Variants in BOD1L1 observed in about 807,000 individuals in gnomAD.
BOD1L1 encodes biorientation of chromosomes in cell division 1 like 1, also known as biorientation of chromosomes in cell division protein 1-like 1.
Under a neutral mutation model 240.7 loss-of-function variants are expected in BOD1L1, and 86 were observed. The observed-to-expected ratio is 0.36, with a 90% CI of 0.30 to 0.43. BOD1L1 has a LOEUF of 0.43. Ranked by LOEUF, BOD1L1 falls within the 20% of genes least tolerant of loss-of-function variation. The pLI, the probability that BOD1L1 is intolerant of heterozygous loss-of-function variation, is 1.00. For missense variants in BOD1L1, 3,554 were observed against 3,643.5 expected, an observed-to-expected ratio of 0.98 and a Z score of 0.63; for synonymous variants, 1,268 against 1,272.3, an observed-to-expected ratio of 1.00 and a Z score of 0.07.
intron 1 of BOD1L1, among the ~76,000 whole-genome samples, chr4:13,623,150 C>T (rs2109001521): frequency 6.6e-6 from 1 of 152,262 alleles, no homozygotes; most frequent in East Asian, 1.9e-4. Flanking sequence ...TTGCTTTTTT[C>T]CATAGGACCT....
At chr4:13,616,425 A>C (rs1282117322) in intron 2 of BOD1L1, among the ~76,000 whole-genome samples, 1 of 152,240 alleles carries the variant, frequency 6.6e-6, no homozygotes, top group East Asian at 1.9e-4. Flanking sequence ...CATATACAAG[A>C]GACAAAAGAG....
In BOD1L1 at chr4:13,600,809, C is replaced by T; in HGVS notation, c.6091G>A (p.Asp2031Asn). 1 of 1,613,894 alleles carries T rather than the reference C, an allele frequency of 6.2e-7. No individual in the cohort carries two copies. Among genetic ancestry groups the T allele is most frequent in the South Asian group, 1.1e-5 (1 of 91,044 alleles). ...VAHTSPSEKE[D>N]EDIITSVENE... ...TCTACAGAGGTGATGATGTCCTCAT[C>T]TTCTTTTTCACTTGGTGATGTGTGA... Residue 2031 changes from aspartate to asparagine, a missense_variant, in exon 10 of 26, where the codon GAT becomes AAT. Asp to Asn is a conservative substitution (Grantham distance 23). Coordinates refer to ENST00000040738, the MANE Select transcript of BOD1L1 (RefSeq NM_148894.3).
At chr4:13,583,997 C>T (rs1306640886) in intron 17 of BOD1L1, among the ~76,000 whole-genome samples, 1 of 152,128 alleles carries the variant, frequency 6.6e-6, no homozygotes, top group Admixed American at 6.5e-5. Flanking sequence ...TAACTAGGTC[C>T]AAGACATGCA....
At position 13,591,930 on chromosome 4, in the gene BOD1L1, G is replaced by T; in HGVS notation, c.8141C>A (p.Ser2714Ter). 6.4e-7 allele frequency: 1 copy of T among 1,562,596 alleles called. No homozygotes were observed. Among genetic ancestry groups the T allele is most frequent in the Non-Finnish European group, 8.7e-7 (1 of 1,153,502 alleles). The change falls in exon 13 of 26, where the codon TCA becomes TAA. Residue 2714 changes from serine to a stop codon, truncating the protein, a stop_gained. Transcript: ENST00000040738. LOFTEE classifies it high-confidence loss of function. Reference sequence around the variant, plus strand: ...ACCATTACAGTGACTTACATTTAGTGATTCATTCACCAACAAAGGCTCCCT... The same window carrying T: ...ACCATTACAGTGACTTACATTTAGTTATTCATTCACCAACAAAGGCTCCCT... ...LQREPLLVNE[S>*]LNVENSGFRT...
intron 20 of BOD1L1, 30 bp downstream of exon 20, chr4:13,581,102 G>A: frequency 6.4e-7 from 1 of 1,564,022 alleles, no homozygotes; most frequent in South Asian, 1.2e-5. Flanking sequence ...AATTTCTTGT[G>A]TGTGAACTGA....
In BOD1L1 at chr4:13,600,000, C is replaced by T. The variant is rs775970021; in HGVS notation, c.6900G>A (p.Gly2300=). The part of the protein sequence containing the change: ...TAMISTSTSE[G]CEAVMIGAVL... ...CAGCACCAATCATGACTGCTTCACA[C>T]CCTTCAGAGGTGCTTGTGGAAATCA... is the stretch of plus-strand genomic sequence containing the variant. Residue 2300 remains glycine, a synonymous_variant, in exon 10 of 26, where the codon GGG becomes GGA. Coordinates refer to ENST00000040738, the MANE Select transcript of BOD1L1 (RefSeq NM_148894.3). The T allele has an allele frequency of 1.9e-6, 3 of 1,610,398 alleles. No individual in the cohort carries two copies. The highest frequency in any genetic ancestry group is 1.7e-5 in the Admixed American group (1 of 59,396).
At chr4:13,570,442 A>G (rs932288936) in intron 25 of BOD1L1, among the ~76,000 whole-genome samples, 13 of 152,206 alleles carry the variant, frequency 8.5e-5, no homozygotes, top group Admixed American at 8.5e-4. Flanking sequence ...TCTTTCATCT[A>G]GAAAACAAAG....
intron 1 of BOD1L1, 25 bp from the exon 2 acceptor site, chr4:13,620,092 G>C: frequency 6.3e-7 from 1 of 1,579,276 alleles, no homozygotes; most frequent in Non-Finnish European, 8.6e-7. Flanking sequence ...ACGAAGGTAA[G>C]TCTTCAAGGT....
intron 24 of BOD1L1, 136 bp from the exon 25 acceptor site, chr4:13,577,127 C>T: frequency 9.2e-7 from 1 of 1,090,632 alleles, no homozygotes; most frequent in Non-Finnish European, 1.3e-6. Flanking sequence ...CTTTTTGTTT[C>T]AGCACTTGCA....
intron 1 of BOD1L1, among the ~76,000 whole-genome samples, chr4:13,626,920 C>T (rs1192717475): frequency 6.6e-6 from 1 of 152,222 alleles, no homozygotes; most frequent in South Asian, 2.1e-4. Flanking sequence ...GCATATTACA[C>T]ATAACTTGAT....
chr4:13,627,142 G>A (rs1030476146), intron 1 of BOD1L1, among the ~76,000 whole-genome samples: 1 of 152,198 alleles, frequency 6.6e-6, no homozygotes, highest in African/African-American at 2.4e-5. Flanking sequence ...TAATCACTGT[G>A]CCGAAACCAT....
At position 13,602,984 on chromosome 4, in the gene BOD1L1, T is replaced by G. The variant is rs796422949; in HGVS notation, c.3916A>C (p.Lys1306Gln). 6.2e-7 allele frequency: 1 copy of G among 1,614,038 alleles called. No individual in the cohort carries two copies. The highest frequency in any genetic ancestry group is 1.1e-5 in the South Asian group (1 of 91,084). The part of the protein sequence containing the change: ...YDPDVIPLFD[K>Q]RTVLEGSTAS... ...GTGCTACCTTCCAAAACAGTTCTTT[T>G]GTCAAACAGAGGAATTACATCTGGA... The change falls in exon 10 of 26, where the codon AAA becomes CAA. Residue 1306 changes from lysine to glutamine, a missense_variant. This residue lies in a region of BOD1L1 where 3,393 missense variants were observed against 3,427.1 expected (regional missense o/e 0.99). Transcript: ENST00000040738.
At chr4:13,611,699 C>A (rs1716183080) in intron 5 of BOD1L1, among the ~76,000 whole-genome samples, 1 of 152,188 alleles carries the variant, frequency 6.6e-6, no homozygotes, top group African/African-American at 2.4e-5. Context: ...CCTCAGAGTT[C>A]TCTTGACAAA....
rs190228671 is a variant in BOD1L1, at chr4:13,627,724, G to A, written c.-137C>T. On this transcript the variant is annotated 5_prime_UTR_variant, in exon 1 of 26. Coordinates refer to ENST00000040738, the MANE Select transcript of BOD1L1 (RefSeq NM_148894.3). ...CAGCGGATCCAGAGCAACCCCGGAAGTGAAAGGGAACTGGGGGAAAGGAGG... is the reference window on the plus strand; with the variant it reads ...CAGCGGATCCAGAGCAACCCCGGAAATGAAAGGGAACTGGGGGAAAGGAGG... 6.2e-4 allele frequency: 475 copies of A among 772,172 alleles called. No individual in the cohort carries two copies. The African/African-American group carries it at 8.3e-3, about 13-fold the overall frequency. 47.8% of individuals were successfully genotyped at this position (772,172 alleles called of 1,614,324 possible). A position where few individuals can be genotyped will look rare whatever the true frequency, so the allele number is the denominator to read the frequency against.
chr4:13,598,788 TG>T (rs1374226539), intron 10 of BOD1L1, among the ~76,000 whole-genome samples, 157 bp downstream of exon 10: 1 of 152,216 alleles, frequency 6.6e-6, no homozygotes, highest in African/African-American at 2.4e-5. Flanking sequence ...TCAAGTTTGA[TG>T]AGAGTTATTT....
At chr4:13,593,238 C>T (rs1436174003) in intron 12 of BOD1L1, 1 of 152,124 alleles carries the variant, frequency 6.6e-6, no homozygotes, top group Non-Finnish European at 1.5e-5. Flanking sequence ...CTCCCTCCCC[C>T]AATCCAATTT....
intron 2 of BOD1L1, among the ~76,000 whole-genome samples, chr4:13,619,071 C>T (rs1157145780): frequency 6.6e-6 from 1 of 151,818 alleles, no homozygotes; most frequent in East Asian, 1.9e-4. Flanking sequence ...GCCTATAATC[C>T]CAGCACTTTC....
At chr4:13,576,282 C>T (rs1363958279) in intron 25 of BOD1L1, among the ~76,000 whole-genome samples, 1 of 152,154 alleles carries the variant, frequency 6.6e-6, no homozygotes, top group Admixed American at 6.5e-5. Context: ...CCAAACTCAT[C>T]TGACCGTGGT....
intron 17 of BOD1L1, among the ~76,000 whole-genome samples, chr4:13,583,507 G>A (rs1713402366): frequency 6.6e-6 from 1 of 152,090 alleles, no homozygotes; most frequent in African/African-American, 2.4e-5. Flanking sequence ...ATGTCATTGG[G>A]TTTTGATATA....
Sources: gnomAD v4.1 joint callset for allele counts (sites outside exome capture counted in the v4.1 genomes callset) on GRCh38, gnomAD v4.1.1 for gene constraint, gnomAD v4.1.1 regional missense constraint, MANE v1.5 for transcripts, NCBI Gene and HGNC (gene_info 2026-07-23, HGNC 2026-07-21) for gene names.